The following BRCA1 variants were observed in gnomAD, a reference collection of about 807,000 sequenced individuals.
The protein encoded by BRCA1 is breast cancer type 1 susceptibility protein.
Under a neutral mutation model 173.7 loss-of-function variants are expected in BRCA1, and 140 were observed. The observed-to-expected ratio is 0.81, with a 90% CI of 0.70 to 0.93. The LOEUF is 0.93. Ranked by LOEUF, BRCA1 falls within the 40% of genes least tolerant of loss-of-function variation. The pLI is 0.00. For synonymous variants in BRCA1, 662 were observed against 756.0 expected (o/e 0.88, Z 2.04); for missense variants, 1,983 against 2,172.5 (o/e 0.91, Z 1.73).
At chr17:43,087,416 A>G (rs2053268998) in intron 11 of BRCA1, among the ~76,000 whole-genome samples, 1 of 152,296 alleles carries the variant, frequency 6.6e-6, no homozygotes, top group East Asian at 1.9e-4. Context: ...TAACCCCAGC[A>G]CTTTGGGAGG....
chr17:43,111,235 A>G (rs949312628), intron 3 of BRCA1, among the ~76,000 whole-genome samples: 1 of 151,984 alleles, frequency 6.6e-6, no homozygotes, highest in Non-Finnish European at 1.5e-5. Flanking sequence ...AGATTTCAGA[A>G]CTGGCTGGGC....
Position 43,064,696 on chromosome 17 carries a change from T to A in BRCA1, c.5075-745A>T, listed in dbSNP as rs8176252. Among the ~76,000 whole-genome samples the A allele has an allele frequency of 1.4e-3, 212 of 152,288 alleles. 2 individuals are homozygous for A. In the East Asian group the frequency reaches 0.036, roughly 26 times the overall value. On this transcript the variant is annotated intron_variant, in intron 16 of 22. Transcript: ENST00000357654. ...CACAGAATCCTTACAATTTTTGAAG[T>A]TTTTTGTTTAACTGCTACAAAAGCC...
chr17:43,147,922 C>T (rs1453049697), intron 1 of BRCA1, among the ~76,000 whole-genome samples: 1 of 152,164 alleles, frequency 6.6e-6, no homozygotes, highest in South Asian at 2.1e-4. Flanking sequence ...ACAAACTTTC[C>T]CCTTCCTATC....
At chr17:43,064,443 C>A (rs1014923839) in intron 16 of BRCA1, among the ~76,000 whole-genome samples, 2 of 152,164 alleles carry the variant, frequency 1.3e-5, no homozygotes, top group Admixed American at 6.6e-5. Flanking sequence ...CTCTAATATT[C>A]CCCTGAGAGG....
At chr17:43,142,954 G>A (rs368072268) in intron 1 of BRCA1, among the ~76,000 whole-genome samples, 19 of 97,886 alleles carry the variant, frequency 1.9e-4, no homozygotes, top group South Asian at 4.6e-4. Flanking sequence ...ATATATATGT[G>A]TGTGTGTGTG....
chr17:43,167,140 G>A (rs2056273349), intron 1 of BRCA1: 1 of 152,334 alleles, frequency 6.6e-6, no homozygotes, highest in South Asian at 2.1e-4. Flanking sequence ...GCTCGGGCTG[G>A]TTGGAGTCCC....
At chr17:43,102,183 G>A (rs2054507069) in intron 6 of BRCA1, among the ~76,000 whole-genome samples, 1 of 150,574 alleles carries the variant, frequency 6.6e-6, no homozygotes, top group Non-Finnish European at 1.5e-5. Context: ...CTATTCTCCT[G>A]CCTCAGCCTC....
chr17:43,091,960 T>C lies in BRCA1; in HGVS notation c.3571A>G (p.Ser1191Gly), dbSNP rs2053563998. 1 of 1,614,114 alleles carries C rather than the reference T, an allele frequency of 6.2e-7. No individual in the cohort carries two copies. Among genetic ancestry groups the C allele is most frequent in the South Asian group, 1.1e-5 (1 of 91,080 alleles). The change falls in exon 10 of 23, where the codon AGC becomes GGC. Residue 1191 changes from serine (S) to glycine (G), a missense_variant. Physicochemically the swap from Ser to Gly is moderately conservative, Grantham distance 56. Transcript: ENST00000357654. ...GCCAAATGTGTATGGGTGAAAGGGC[T>C]AGGACTCCTGCTAAGCTCTCCTTTC... is the stretch of plus-strand genomic sequence containing the variant. ...VQKGELSRSP[S>G]PFTHTHLAQG...
intron 2 of BRCA1, 106 bp from the exon 3 acceptor site, chr17:43,115,885 G>A (rs751882850): frequency 1.1e-5 from 13 of 1,190,578 alleles, no homozygotes; most frequent in African/African-American, 1.5e-5. Context: ...TGTTATGACT[G>A]AGTCAACATA....
At chr17:43,062,693 G>A (rs754745268) in intron 18 of BRCA1, among the ~76,000 whole-genome samples, 15 of 152,062 alleles carry the variant, frequency 9.9e-5, no homozygotes, top group Non-Finnish European at 2.9e-5. Flanking sequence ...CACCTCCCGG[G>A]TTCAAGAGAT....
At chr17:43,088,358 A>G (rs960070690) in intron 11 of BRCA1, among the ~76,000 whole-genome samples, 2 of 151,074 alleles carry the variant, frequency 1.3e-5, no homozygotes, top group African/African-American at 4.9e-5. Flanking sequence ...CTTCCATCCT[A>G]TGAATTTATC....
chr17:43,051,049 T>C lies in BRCA1; in HGVS notation c.5332+14A>G, dbSNP rs2051191873. 1 of 1,612,938 alleles carries C rather than the reference T, an allele frequency of 6.2e-7. No individual in the cohort carries two copies. The highest frequency in any genetic ancestry group is 8.5e-7 in the Non-Finnish European group (1 of 1,178,928). The stretch of plus-strand genomic sequence containing the variant: ...GGCTGGTGCTGGAACTCTGGGGTTC[T>C]CCCAGGCTCTTACCTGTGGGCATGT... On this transcript the variant is annotated intron_variant, in intron 20 of 22. Coordinates refer to ENST00000357654, the MANE Select transcript of BRCA1 (RefSeq NM_007294.4).
chr17:43,066,700 C>T (rs931934074), intron 16 of BRCA1, among the ~76,000 whole-genome samples: 25 of 151,498 alleles, frequency 1.7e-4, no homozygotes, highest in Non-Finnish European at 1.0e-4. Context: ...CGAGCCACCG[C>T]GTCCAGCTGC....
intron 2 of BRCA1, among the ~76,000 whole-genome samples, chr17:43,123,349 GTTTTTTT>G (rs149379936): frequency 0.044 from 3,713 of 85,138 alleles, 73 homozygotes; most frequent in Middle Eastern, 0.12. Context: ...GATCATCCAT[GTTTTTTT>G]TTTTTTTTTT....
chr17:43,113,050 G>A (rs2055111957), intron 3 of BRCA1, among the ~76,000 whole-genome samples: 1 of 152,060 alleles, frequency 6.6e-6, no homozygotes, highest in Non-Finnish European at 1.5e-5. Context: ...TGATCCACCT[G>A]CCTTGGGCTC....
In BRCA1 at chr17:43,093,638, T is replaced by G. The variant is rs80356834; in HGVS notation, c.1893A>C (p.Leu631=). Residue 631 remains leucine, a synonymous_variant, in exon 10 of 23, where the codon CTA becomes CTC. Transcript: ENST00000357654. The stretch of plus-strand genomic sequence containing the variant: ...GCAATTCAGTACAATTAGGTGGGCT[T>G]AGATTTCTACTGACTACTAGTTCAA... ...HALELVVSRN[L]SPPNCTELQI... is the part of the protein sequence containing the mutation. 1.5e-5 allele frequency: 24 copies of G among 1,614,014 alleles called. No homozygotes were observed. Among genetic ancestry groups the G allele is most frequent in the African/African-American group, 4.0e-5 (3 of 74,928 alleles).
In BRCA1 at chr17:43,070,809, A is replaced by C. The variant is rs527936361; in HGVS notation, c.4986+119T>G. The C allele has an allele frequency of 9.2e-6, 11 of 1,193,284 alleles. No homozygotes were observed. In the African/African-American group the frequency reaches 1.6e-4, roughly 18 times the overall value. 73.9% of individuals were successfully genotyped at this position (1,193,284 alleles called of 1,614,324 possible). A position where few individuals can be genotyped will look rare whatever the true frequency, so the allele number is the denominator to read the frequency against. On this transcript the variant is annotated intron_variant, in intron 15 of 22. Coordinates refer to ENST00000357654, the MANE Select transcript of BRCA1 (RefSeq NM_007294.4). ...AGTAATCGAAATTAAATTACACAGA[A>C]CTGTGATTGTTTTCTAGATTTCTTC...
At chr17:43,146,387 C>G (rs1174711143) in intron 1 of BRCA1, among the ~76,000 whole-genome samples, 1 of 136,968 alleles carries the variant, frequency 7.3e-6, no homozygotes, top group Admixed American at 8.4e-5. Context: ...TGGCTTACTG[C>G]AAGCTCTGCC....
intron 1 of BRCA1, among the ~76,000 whole-genome samples, chr17:43,169,581 C>A (rs777846329): frequency 6.6e-6 from 1 of 152,140 alleles, no homozygotes; most frequent in Admixed American, 6.5e-5. Flanking sequence ...GTGCTTCCCT[C>A]GAGACCTACA....
Sources: gnomAD v4.1 joint callset for allele counts (sites outside exome capture counted in the v4.1 genomes callset) on GRCh38, gnomAD v4.1.1 for gene constraint, MANE v1.5 for transcripts, NCBI Gene and HGNC (gene_info 2026-07-23, HGNC 2026-07-21) for gene names.